GLRA1: variants seen among roughly 807,000 people sequenced by gnomAD.
GLRA1 encodes the protein glycine receptor subunit alpha-1.
A neutral mutation model predicts 48.3 loss-of-function variants in GLRA1; 37 were observed. That is an observed-to-expected ratio of 0.77 (90% confidence interval 0.59 to 1.01). GLRA1 has a LOEUF of 1.01. GLRA1 is among the 50% of genes least tolerant of loss of function. GLRA1 has a pLI of 0.00. For synonymous variants in GLRA1, 196 were observed against 210.7 expected (o/e 0.93, Z 0.60); for missense variants, 427 against 571.0 (o/e 0.75, Z 2.57).
chr5:151,855,089 G>T lies in GLRA1; in HGVS notation c.648C>A (p.Ile216=). The T allele has an allele frequency of 6.2e-7, 1 of 1,614,048 alleles. No individual in the cohort carries two copies. The highest frequency in any genetic ancestry group is 8.5e-7 in the Non-Finnish European group (1 of 1,179,940). ...VADGLTLPQF[I]LKEEKDLRYC... ...ATCTCAAGTCCTTCTCTTCCTTCAA[G>T]ATAAACTGGGGCAGAGTTAGTCCAT... The change falls in exon 6 of 9, where the codon ATC becomes ATA. Residue 216 remains isoleucine (I), a synonymous_variant. Transcript: ENST00000274576.
Position 151,880,903 on chromosome 5 carries a change from C to T in GLRA1, c.252+5818G>A, listed in dbSNP as rs77820660. On this transcript the variant is annotated intron_variant, in intron 3 of 8. Coordinates refer to ENST00000274576, the MANE Select transcript of GLRA1 (RefSeq NM_000171.4). ...GAAAATAATACACTCCATGCACATT[C>T]GTTCTTAAGTACTTTCACATCTCCT... is the stretch of plus-strand genomic sequence containing the variant. Among the ~76,000 whole-genome samples the T allele has an allele frequency of 8.6e-3, 1,311 of 152,308 alleles. 16 individuals are homozygous for T. Among genetic ancestry groups the T allele is most frequent in the African/African-American group, 0.03 (1,254 of 41,554 alleles).
intron 1 of GLRA1, among the ~76,000 whole-genome samples, chr5:151,907,424 C>T (rs896536708): frequency 6.6e-6 from 1 of 152,108 alleles, no homozygotes; most frequent in Non-Finnish European, 1.5e-5. Context: ...TAATTTCTGT[C>T]CCCTTAGGCA....
chr5:151,854,352 G>A (rs1240051679), intron 6 of GLRA1, among the ~76,000 whole-genome samples: 2 of 152,166 alleles, frequency 1.3e-5, no homozygotes, highest in Admixed American at 6.5e-5. Context: ...TCCTCTTGCT[G>A]GCTTGCCATG....
intron 3 of GLRA1, among the ~76,000 whole-genome samples, chr5:151,861,645 CAGAG>C (rs1347960914): frequency 2.6e-5 from 4 of 152,004 alleles, no homozygotes; most frequent in African/African-American, 7.2e-5. Context: ...GTCAGACAAA[CAGAG>C]AGCCAAATCA....
chr5:151,904,994 T>A (rs1754444292), intron 1 of GLRA1, among the ~76,000 whole-genome samples: 1 of 152,188 alleles, frequency 6.6e-6, no homozygotes, highest in South Asian at 2.1e-4. Flanking sequence ...ATCTGTTATG[T>A]AGTAAATTAA....
intron 1 of GLRA1, among the ~76,000 whole-genome samples, chr5:151,906,520 G>C (rs1431838182): frequency 1.3e-5 from 2 of 152,198 alleles, no homozygotes; most frequent in African/African-American, 4.8e-5. Flanking sequence ...AAATTGACCT[G>C]TAAGGAATAA....
At chr5:151,916,073 G>A (rs1725707798) in intron 1 of GLRA1, among the ~76,000 whole-genome samples, 1 of 152,066 alleles carries the variant, frequency 6.6e-6, no homozygotes. Context: ...CTATCTATCT[G>A]TCTATCTCTA....
At chr5:151,896,860 A>G (rs1054692797) in intron 1 of GLRA1, among the ~76,000 whole-genome samples, 1 of 152,230 alleles carries the variant, frequency 6.6e-6, no homozygotes, top group Non-Finnish European at 1.5e-5. Context: ...CAATGACAAC[A>G]AGACAAAAAG....
chr5:151,822,801 A>C lies in GLRA1; in HGVS notation c.1222T>G (p.Phe408Val). The change falls in exon 9 of 9, where the codon TTC (phenylalanine) becomes GTC (valine). Residue 408 changes from phenylalanine to valine, a missense_variant. Coordinates refer to ENST00000274576, the MANE Select transcript of GLRA1 (RefSeq NM_000171.4). ...SKSPEEMRKLFIQRAKKIDKI... is the reference protein window; with the variant it reads ...SKSPEEMRKLVIQRAKKIDKI... ...TCGATCTTCTTGGCCCTCTGGATGAAGAGTTTTCGCATCTCCTCTGGGGAC... is the reference window on the plus strand; with the variant it reads ...TCGATCTTCTTGGCCCTCTGGATGACGAGTTTTCGCATCTCCTCTGGGGAC... 5 of 1,614,068 alleles carry C rather than the reference A, an allele frequency of 3.1e-6. No individual in the cohort carries two copies. Among genetic ancestry groups the C allele is most frequent in the Non-Finnish European group, 4.2e-6 (5 of 1,179,986 alleles).
At chr5:151,894,271 A>T (rs1034215211) in intron 1 of GLRA1, among the ~76,000 whole-genome samples, 1 of 152,124 alleles carries the variant, frequency 6.6e-6, no homozygotes, top group African/African-American at 2.4e-5. Context: ...TGGTCTCATC[A>T]GTTGTAACTA....
rs148327072 is a variant in GLRA1 at position 151,832,526 on chromosome 5, G to A, written c.913-3459C>T. Among the ~76,000 whole-genome samples, 621 of 152,258 alleles carry A rather than the reference G, an allele frequency of 4.1e-3. 3 individuals carry two copies. The highest frequency in any genetic ancestry group is 0.014 in the African/African-American group (596 of 41,538). ...ATACACAAGTATCGATAGCTGAATC[G>A]ATCAAGCGGAATAAAGGATATCAGA... is the stretch of plus-strand genomic sequence containing the variant. On this transcript the variant is annotated intron_variant, in intron 7 of 8. Transcript: ENST00000274576.
intron 1 of GLRA1, among the ~76,000 whole-genome samples, chr5:151,905,442 A>G (rs1754452533): frequency 6.6e-6 from 1 of 151,898 alleles, no homozygotes; most frequent in African/African-American, 2.4e-5. Context: ...TGTGGCTGGC[A>G]TATGCAGTCA....
chr5:151,908,361 C>T (rs1311062121), intron 1 of GLRA1, among the ~76,000 whole-genome samples: 2 of 152,214 alleles, frequency 1.3e-5, no homozygotes. Context: ...TTCCTCCTGT[C>T]ATCATTCCTC....
At chr5:151,879,685 T>G (rs190230891) in intron 3 of GLRA1, among the ~76,000 whole-genome samples, 6 of 152,306 alleles carry the variant, frequency 3.9e-5, no homozygotes, top group South Asian at 4.1e-4. Flanking sequence ...GGCTCATAGA[T>G]GGAAGGGACT....
chr5:151,924,750 G>A lies in GLRA1; in HGVS notation c.-201C>T, dbSNP rs1192299604. 6.2e-6 allele frequency: 4 copies of A among 645,750 alleles called. No individual in the cohort carries two copies. The highest frequency in any genetic ancestry group is 1.1e-5 in the Non-Finnish European group (4 of 356,810). The allele number at this position is 645,750 out of a possible 1,614,324, so 40.0% of individuals were successfully genotyped here. On this transcript the variant is annotated 5_prime_UTR_variant, in exon 1 of 9. Coordinates refer to ENST00000274576, the MANE Select transcript of GLRA1 (RefSeq NM_000171.4). ...TACCACGGACAGCGGCGGCTGCGAG[G>A]CGTTTCAGCACCACGGAGAGCGTCC...
intron 3 of GLRA1, among the ~76,000 whole-genome samples, chr5:151,870,397 A>C (rs1054724833): frequency 6.7e-6 from 1 of 149,754 alleles, no homozygotes; most frequent in Non-Finnish European, 1.5e-5. Context: ...TATGGAAACT[A>C]AGATCACCCT....
intron 2 of GLRA1, among the ~76,000 whole-genome samples, chr5:151,889,800 G>A (rs2113412472): frequency 6.6e-6 from 1 of 152,200 alleles, no homozygotes; most frequent in Non-Finnish European, 1.5e-5. Flanking sequence ...AGGGCTCAGG[G>A]CAAGAAAATC....
At chr5:151,840,521 TAATTA>T (rs1399169561) in intron 7 of GLRA1, among the ~76,000 whole-genome samples, 8 of 152,092 alleles carry the variant, frequency 5.3e-5, no homozygotes, top group South Asian at 2.1e-4. Context: ...TTTATTACAT[TAATTA>T]AATTAAGTGG....
In GLRA1 at chr5:151,830,807, A is replaced by T. The variant is rs527524750; in HGVS notation, c.913-1740T>A. On this transcript the variant is annotated intron_variant, in intron 7 of 8. Transcript: ENST00000274576. ...AATCCTGAAGAGAGGGTAGAATTTG[A>T]TTTTCAAAGTTGCCACATTATATTA... Among the ~76,000 whole-genome samples, 3 of 152,340 alleles carry T rather than the reference A, an allele frequency of 2.0e-5. No homozygotes were observed. The South Asian group carries it at 6.2e-4, about 32-fold the overall frequency.
Sources: gnomAD v4.1 joint callset for allele counts (sites outside exome capture counted in the v4.1 genomes callset) on GRCh38, gnomAD v4.1.1 for gene constraint, MANE v1.5 for transcripts, NCBI Gene and HGNC (gene_info 2026-07-23, HGNC 2026-07-21) for gene names.